The following ZC3H12B variants were observed in gnomAD, a reference collection of about 807,000 sequenced individuals.
ZC3H12B encodes zinc finger CCCH-type containing 12B.
A neutral mutation model predicts 43.9 loss-of-function variants in ZC3H12B; 7 were observed. The observed-to-expected ratio is 0.16, with a 90% confidence interval of 0.09 to 0.30. The LOEUF (loss-of-function observed/expected upper bound fraction) is 0.30. Ranked by LOEUF, ZC3H12B falls within the 10% of genes least tolerant of loss-of-function variation. The probability of loss-of-function intolerance (pLI) is 1.00; values close to 1 mark genes in which losing one functional copy is unlikely to be tolerated. For missense variants in ZC3H12B, 475 were observed against 670.2 expected, an observed-to-expected ratio of 0.71 and a Z score of 3.22; for synonymous variants, 222 against 241.7, an observed-to-expected ratio of 0.92 and a Z score of 0.76.
the ZC3H12B span, among the ~76,000 whole-genome samples, chrX:65,146,997 G>A: frequency 8.9e-6 from 1 of 111,823 alleles, no homozygotes; most frequent in South Asian, 3.7e-4. Flanking sequence ...CTGTCCATCC[G>A]AGTTGAAGCT....
At chrX:65,253,536 G>A in the ZC3H12B span, among the ~76,000 whole-genome samples, 6 of 112,049 alleles carry the variant, frequency 5.4e-5, no homozygotes, top group Non-Finnish European at 9.4e-5. Context: ...GGTTTTCCAT[G>A]CTCCCCTAGG....
At chrX:65,053,884 C>T in the ZC3H12B span, among the ~76,000 whole-genome samples, 1 of 111,660 alleles carries the variant, frequency 9.0e-6, no homozygotes, top group Non-Finnish European at 1.9e-5. Flanking sequence ...TTTCATGTGT[C>T]TTTTGGCTGC....
chrX:65,322,815 G>C, the ZC3H12B span, among the ~76,000 whole-genome samples: 28 of 111,156 alleles, frequency 2.5e-4, no homozygotes, highest in Non-Finnish European at 5.7e-5. Flanking sequence ...ATTGAATATG[G>C]AGGTGACCTT....
the ZC3H12B span, among the ~76,000 whole-genome samples, chrX:65,197,663 T>C: frequency 1.8e-5 from 2 of 112,215 alleles, no homozygotes; most frequent in African/African-American, 6.5e-5. Flanking sequence ...GTCTAGTAAA[T>C]GTTTTACCTA....
At chrX:65,188,322 C>A in the ZC3H12B span, among the ~76,000 whole-genome samples, 20 of 109,350 alleles carry the variant, frequency 1.8e-4, no homozygotes, top group Non-Finnish European at 3.2e-4. Context: ...GGTCTATATA[C>A]CTAGCAGTGA....
chrX:65,400,710 A>G (rs2066752739), intron 3 of ZC3H12B, among the ~76,000 whole-genome samples: 1 of 111,710 alleles, frequency 9.0e-6, no homozygotes, highest in African/African-American at 3.3e-5. Context: ...TTTATTCCTC[A>G]ATAAAAACCC....
chrX:65,507,202 A>G (rs1030053318), exon 5 of ZC3H12B: 14 of 111,759 alleles, frequency 1.3e-4, no homozygotes, highest in African/African-American at 4.6e-4. Context: ...AAAAATTTCA[A>G]TACACTTTGT....
chrX:65,082,239 CA>C, the ZC3H12B span, among the ~76,000 whole-genome samples: 2 of 109,796 alleles, frequency 1.8e-5, no homozygotes, highest in South Asian at 7.6e-4. Context: ...AAACCAAATG[CA>C]AAATTAGTAG....
chrX:65,300,370 TG>T, the ZC3H12B span, among the ~76,000 whole-genome samples: 8 of 111,675 alleles, frequency 7.2e-5, no homozygotes, highest in Non-Finnish European at 1.5e-4. Context: ...GCGTGGGAGC[TG>T]GGTGAGGCCT....
At chrX:65,099,368 T>C in the ZC3H12B span, among the ~76,000 whole-genome samples, 4 of 111,623 alleles carry the variant, frequency 3.6e-5, no homozygotes, top group Admixed American at 9.4e-5. Context: ...ACCACAGTGC[T>C]CAAGCTCTGC....
At chrX:65,328,925 C>T in the ZC3H12B span, among the ~76,000 whole-genome samples, 9 of 110,262 alleles carry the variant, frequency 8.2e-5, no homozygotes, top group Non-Finnish European at 1.7e-4. Context: ...ATATGTGCCA[C>T]ATTTCCTTAA....
the ZC3H12B span, among the ~76,000 whole-genome samples, chrX:65,041,629 G>C: frequency 2.2e-4 from 25 of 112,044 alleles, no homozygotes; most frequent in African/African-American, 8.1e-4. Flanking sequence ...TGTAAATTCT[G>C]TGCACTTACA....
the ZC3H12B span, among the ~76,000 whole-genome samples, chrX:65,100,595 CAG>C: frequency 1.3e-4 from 3 of 22,925 alleles, no homozygotes; most frequent in African/African-American, 2.2e-4. Context: ...AAAAAAAAAA[CAG>C]GGGTTACAAT....
chrX:65,397,392 G>C (rs146695980), intron 2 of ZC3H12B, among the ~76,000 whole-genome samples: 13 of 111,592 alleles, frequency 1.2e-4, no homozygotes, highest in Admixed American at 3.8e-4. Flanking sequence ...GGCAGGCCTG[G>C]TGGTACAGAA....
the ZC3H12B span, among the ~76,000 whole-genome samples, chrX:65,162,038 C>A: frequency 1.8e-5 from 2 of 111,145 alleles, no homozygotes; most frequent in African/African-American, 6.6e-5. Flanking sequence ...CTTAGTTTGG[C>A]TGGATATGAA....
At chrX:65,408,877 G>T (rs766926590) in intron 3 of ZC3H12B, among the ~76,000 whole-genome samples, 223 of 111,891 alleles carry the variant, frequency 2.0e-3, no homozygotes, top group African/African-American at 6.9e-3. Context: ...TTAGATTGCA[G>T]GCATCTTGAC....
chrX:65,340,067 G>A, the ZC3H12B span, among the ~76,000 whole-genome samples: 34 of 111,761 alleles, frequency 3.0e-4, no homozygotes, highest in Middle Eastern at 4.6e-3. Flanking sequence ...CCAGTGACCC[G>A]TTCCTGCACC....
the ZC3H12B span, among the ~76,000 whole-genome samples, chrX:65,225,377 A>G: frequency 1.8e-5 from 2 of 112,239 alleles, no homozygotes; most frequent in East Asian, 2.8e-4. Context: ...CCATGTGTAC[A>G]TCACCATCAT....
intron 2 of ZC3H12B, among the ~76,000 whole-genome samples, chrX:65,372,075 G>T (rs1038568636): frequency 5.8e-4 from 65 of 112,058 alleles, no homozygotes; most frequent in African/African-American, 2.0e-3. Context: ...TATTAATAAT[G>T]ATTTCAGAAA....
Sources: allele counts gnomAD v4.1 joint callset (sites outside exome capture counted in the v4.1 genomes callset), GRCh38; gene constraint gnomAD v4.1.1; transcripts MANE v1.5; gene names NCBI Gene and HGNC (gene_info 2026-07-23, HGNC 2026-07-21).